Variants in CIMAP2 observed in about 807,000 individuals in gnomAD.
CIMAP2 encodes ciliary microtubule-associated protein 2.
the CIMAP2 span, among the ~76,000 whole-genome samples, chr1:54,822,373 T>A: frequency 1.4e-5 from 2 of 144,792 alleles, no homozygotes; most frequent in Non-Finnish European, 3.0e-5. Context: ...TTGCTGATCC[T>A]TTGTATTGGT....
At chr1:54,806,400 C>T in the CIMAP2 span, among the ~76,000 whole-genome samples, 2 of 152,206 alleles carry the variant, frequency 1.3e-5, no homozygotes, top group Admixed American at 1.3e-4. Context: ...TTCTCTCCCC[C>T]TCTTGCTTAG....
the CIMAP2 span, among the ~76,000 whole-genome samples, chr1:54,837,291 T>C: frequency 2.0e-3 from 297 of 152,224 alleles, 2 homozygotes; most frequent in African/African-American, 6.8e-3. Context: ...GGCCTTCAGA[T>C]CAGCATGGAC....
the CIMAP2 span, among the ~76,000 whole-genome samples, chr1:54,828,051 G>C: frequency 6.6e-6 from 1 of 152,138 alleles, no homozygotes; most frequent in African/African-American, 2.4e-5. Flanking sequence ...AGGGATGCTT[G>C]TGTCACTGGC....
At chr1:54,811,765 G>GCGGGGGGGGGGGGGGGGGCCCCCCC in the CIMAP2 span, 2 of 1,301,332 alleles carry the variant, frequency 1.5e-6, no homozygotes, top group Non-Finnish European at 2.2e-6. Flanking sequence ...GGTTCTGACA[G>GCGGGGGGGGGGGGGGGGGCCCCCCC]CCTCCATGCC....
chr1:54,811,767 C>CGGGGGGCGG, the CIMAP2 span: 1 of 1,088,168 alleles, frequency 9.2e-7, no homozygotes, highest in Non-Finnish European at 1.4e-6. Flanking sequence ...TTCTGACAGC[C>CGGGGGGCGG]TCCATGCCCC....
the CIMAP2 span, chr1:54,812,025 A>T: frequency 6.2e-7 from 1 of 1,614,124 alleles, no homozygotes; most frequent in East Asian, 2.2e-5. Flanking sequence ...TGCAGGCCTC[A>T]TCACCTCTGC....
the CIMAP2 span, among the ~76,000 whole-genome samples, chr1:54,835,962 C>T: frequency 6.6e-6 from 1 of 152,078 alleles, no homozygotes; most frequent in African/African-American, 2.4e-5. Context: ...TCTTCCTGCC[C>T]TTACCCCACC....
chr1:54,812,192 G>A, the CIMAP2 span: 2 of 1,614,204 alleles, frequency 1.2e-6, no homozygotes, highest in African/African-American at 1.3e-5. Context: ...CCATGCAGGT[G>A]TGTACCCAGG....
At chr1:54,837,003 T>C in the CIMAP2 span, among the ~76,000 whole-genome samples, 2 of 152,072 alleles carry the variant, frequency 1.3e-5, no homozygotes, top group African/African-American at 2.4e-5. Context: ...ACTTGGAAGA[T>C]GTAATGTTAG....
chr1:54,828,857 T>C, the CIMAP2 span, among the ~76,000 whole-genome samples: 1 of 152,158 alleles, frequency 6.6e-6, no homozygotes, highest in Non-Finnish European at 1.5e-5. Context: ...AAATATTAAA[T>C]CTTCCCAGTG....
the CIMAP2 span, chr1:54,811,880 C>T: frequency 2.8e-3 from 4,511 of 1,612,832 alleles, 113 homozygotes; most frequent in African/African-American, 0.052. Context: ...GGTCTCATTC[C>T]GAGGGCCTCA....
At chr1:54,826,053 C>T in the CIMAP2 span, among the ~76,000 whole-genome samples, 1 of 152,118 alleles carries the variant, frequency 6.6e-6, no homozygotes, top group African/African-American at 2.4e-5. Context: ...TCTAAGGGCT[C>T]CCTGACGGTG....
the CIMAP2 span, among the ~76,000 whole-genome samples, chr1:54,809,085 C>T: frequency 3.1e-5 from 2 of 65,458 alleles, no homozygotes; most frequent in African/African-American, 1.0e-4. Context: ...CATAGGCACG[C>T]AATAAGTATT....
At chr1:54,808,791 A>C in the CIMAP2 span, among the ~76,000 whole-genome samples, 47,818 of 151,846 alleles carry the variant, frequency 0.31, 8,218 homozygotes, top group East Asian at 0.76. Context: ...CAGTAAGGGC[A>C]CGAGGGAGAA....
chr1:54,811,779 A>ACC, the CIMAP2 span: 4 of 286,562 alleles, frequency 1.4e-5, no homozygotes, highest in African/African-American at 6.7e-5. Context: ...CCATGCCCCC[A>ACC]CCCCCGCCCC....
chr1:54,817,440 C>T, the CIMAP2 span, among the ~76,000 whole-genome samples: 1 of 152,180 alleles, frequency 6.6e-6, no homozygotes, highest in Non-Finnish European at 1.5e-5. Context: ...CTCAATCAAC[C>T]TTAAATCTGC....
At chr1:54,814,121 T>C in the CIMAP2 span, 76 of 1,049,656 alleles carry the variant, frequency 7.2e-5, 1 homozygote, top group East Asian at 1.2e-3. Context: ...GTCTGGAACA[T>C]TGGGACACTT....
At chr1:54,811,767 C>CGGGGGGGGGGGGGGGGCG in the CIMAP2 span, 1 of 1,088,170 alleles carries the variant, frequency 9.2e-7, no homozygotes, top group Non-Finnish European at 1.4e-6. Context: ...TTCTGACAGC[C>CGGGGGGGGGGGGGGGGCG]TCCATGCCCC....
chr1:54,820,112 C>CTCTTTCTTTCTTTCTTTCTTTCTT, the CIMAP2 span, among the ~76,000 whole-genome samples: 9 of 8,350 alleles, frequency 1.1e-3, no homozygotes, highest in East Asian at 9.6e-3. Flanking sequence ...TTCTCTCTCT[C>CTCTTTCTTTCTTTCTTTCTTTCTT]TCTTTCTTTC....
Sources: gnomAD v4.1 joint callset for allele counts (sites outside exome capture counted in the v4.1 genomes callset) on GRCh38, gnomAD v4.1.1 for gene constraint, MANE v1.5 for transcripts, NCBI Gene and HGNC (gene_info 2026-07-23, HGNC 2026-07-21) for gene names.